The following DIAPH2 variants were observed in gnomAD, a reference collection of about 807,000 sequenced individuals.
DIAPH2 encodes the protein protein diaphanous homolog 2.
In DIAPH2, 35 loss-of-function variants were observed where a neutral mutation model predicts 92.7. The observed-to-expected ratio is 0.38, with a 90% CI of 0.29 to 0.50. The LOEUF is 0.50. DIAPH2 is among the 20% of genes least tolerant of loss of function. The pLI is 0.94. For missense variants in DIAPH2, 701 were observed against 819.5 expected (o/e 0.86, Z 1.77); for synonymous variants, 301 against 280.4 (o/e 1.07, Z -0.73).
At chrX:97,107,245 G>A (rs750110117) in intron 20 of DIAPH2, among the ~76,000 whole-genome samples, 20 of 110,673 alleles carry the variant, frequency 1.8e-4, no homozygotes, top group South Asian at 7.8e-4. Context: ...TGGGATTACA[G>A]GCGTGAGCCA....
intron 19 of DIAPH2, among the ~76,000 whole-genome samples, chrX:97,092,813 G>A (rs1302724784): frequency 9.0e-6 from 1 of 111,366 alleles, no homozygotes; most frequent in Admixed American, 9.6e-5. Flanking sequence ...TCATGGCCGT[G>A]ATAGGATGAT....
At chrX:97,387,383 A>G (rs1438415807) in intron 25 of DIAPH2, among the ~76,000 whole-genome samples, 1 of 112,477 alleles carries the variant, frequency 8.9e-6, no homozygotes. Flanking sequence ...ACACACACAG[A>G]TTTATTTTAT....
intron 25 of DIAPH2, among the ~76,000 whole-genome samples, chrX:97,397,874 A>G (rs1284192191): frequency 8.9e-6 from 1 of 112,282 alleles, no homozygotes; most frequent in Admixed American, 9.4e-5. Context: ...TCTTTTGTCA[A>G]AAACCCTTTG....
intron 1 of DIAPH2, among the ~76,000 whole-genome samples, chrX:96,687,500 C>T (rs1055359525): frequency 7.4e-5 from 8 of 107,682 alleles, no homozygotes; most frequent in East Asian, 2.9e-4. Context: ...AGTCCAGTGG[C>T]GCGATCTTGG....
chrX:97,330,493 T>A (rs2068991588), intron 23 of DIAPH2, among the ~76,000 whole-genome samples: 1 of 110,109 alleles, frequency 9.1e-6, no homozygotes, highest in Non-Finnish European at 1.9e-5. Flanking sequence ...TCGTAACATA[T>A]GACAAGATGT....
chrX:97,395,150 G>A (rs1013510747), intron 25 of DIAPH2, among the ~76,000 whole-genome samples: 1 of 111,769 alleles, frequency 8.9e-6, no homozygotes, highest in African/African-American at 3.2e-5. Context: ...ACATATCAAG[G>A]AAAATTATCA....
At chrX:97,181,138 C>T (rs1244411343) in intron 22 of DIAPH2, among the ~76,000 whole-genome samples, 5 of 107,888 alleles carry the variant, frequency 4.6e-5, no homozygotes, top group African/African-American at 6.8e-5. Flanking sequence ...GGTGTGATCT[C>T]GGCTCACCAC....
intron 24 of DIAPH2, among the ~76,000 whole-genome samples, chrX:97,353,892 G>A (rs1045866433): frequency 9.0e-6 from 1 of 111,070 alleles, no homozygotes; most frequent in Non-Finnish European, 1.9e-5. Context: ...ATAGCTCACT[G>A]TATCCTCAAA....
chrX:97,353,645 A>G (rs2069239148), intron 24 of DIAPH2, among the ~76,000 whole-genome samples: 1 of 111,151 alleles, frequency 9.0e-6, no homozygotes, highest in African/African-American at 3.2e-5. Context: ...CGTTGCTTTT[A>G]ATCATGCCAG....
chrX:97,232,248 T>C (rs1034718521), intron 22 of DIAPH2, among the ~76,000 whole-genome samples: 1 of 111,537 alleles, frequency 9.0e-6, no homozygotes, highest in African/African-American at 3.3e-5. Flanking sequence ...TATTTATTTA[T>C]TGTTAAGACA....
intron 23 of DIAPH2, among the ~76,000 whole-genome samples, chrX:97,334,092 T>G (rs2069026177): frequency 9.0e-6 from 1 of 111,204 alleles, no homozygotes; most frequent in East Asian, 2.8e-4. Flanking sequence ...TCATTCCTTT[T>G]CAGGCTTATC....
chrX:97,225,059 G>C (rs2067954813), intron 22 of DIAPH2, among the ~76,000 whole-genome samples: 1 of 110,518 alleles, frequency 9.0e-6, no homozygotes, highest in Non-Finnish European at 1.9e-5. Context: ...TTATGTGGCA[G>C]TTGTACTTTT....
intron 4 of DIAPH2, among the ~76,000 whole-genome samples, chrX:96,806,646 C>CAAAAAAAAAAAAAAA (rs1234663626): frequency 2.9e-5 from 1 of 34,439 alleles, no homozygotes; most frequent in Non-Finnish European, 4.4e-5. Flanking sequence ...AACTCCATCT[C>CAAAAAAAAAAAAAAA]AAAAAAAAAA....
intron 16 of DIAPH2, among the ~76,000 whole-genome samples, chrX:96,962,336 T>TAC (rs1330300770): frequency 4.0e-4 from 18 of 44,809 alleles, no homozygotes; most frequent in African/African-American, 1.0e-3. Context: ...CATATATATA[T>TAC]ACATATATAT....
chrX:97,081,092 C>A lies in DIAPH2; in HGVS notation c.2247+5831C>A, dbSNP rs748206717. Among the ~76,000 whole-genome samples, 6 of 111,815 alleles carry A rather than the reference C, an allele frequency of 5.4e-5. No individual in the cohort carries two copies. The South Asian group carries it at 2.2e-3, about 42-fold the overall frequency. On this transcript the variant is annotated intron_variant, in intron 19 of 26. Coordinates refer to ENST00000324765, the MANE Select transcript of DIAPH2 (RefSeq NM_006729.5). ...ATTCACCATGTTCATTTTCATAATT[C>A]TTTAGGGAAAATGAAACAGTAGCAA...
intron 22 of DIAPH2, among the ~76,000 whole-genome samples, chrX:97,143,661 GA>G (rs2067223484): frequency 9.1e-6 from 1 of 110,371 alleles, no homozygotes; most frequent in South Asian, 3.9e-4. Context: ...TTTATCCAAA[GA>G]AAAAGAAATC....
At chrX:97,463,514 C>A (rs527433013) in intron 26 of DIAPH2, among the ~76,000 whole-genome samples, 358 of 109,832 alleles carry the variant, frequency 3.3e-3, no homozygotes, top group African/African-American at 0.011. Flanking sequence ...CCTCAGCCCC[C>A]CAAGTAGCTG....
At chrX:97,565,501 A>T (rs1377023925) in intron 26 of DIAPH2, among the ~76,000 whole-genome samples, 1 of 112,369 alleles carries the variant, frequency 8.9e-6, no homozygotes, top group Non-Finnish European at 1.9e-5. Flanking sequence ...AAAAAGTTTT[A>T]TGACCATTTT....
At position 97,011,110 on chromosome X, in the gene DIAPH2, A is replaced by G. The variant is rs746473810; in HGVS notation, c.2050+45903A>G. 8.9e-5 allele frequency among the ~76,000 whole-genome samples: 10 copies of G among 112,490 alleles called. No homozygotes were observed. In the East Asian group the frequency reaches 2.8e-3, roughly 31 times the overall value. ...CTCTTAATTAATTGCTGTAATTCCCATATTTGCCTACGTGTATATGTTCCT... is the reference window on the plus strand; with the variant it reads ...CTCTTAATTAATTGCTGTAATTCCCGTATTTGCCTACGTGTATATGTTCCT... On this transcript the variant is annotated intron_variant, in intron 17 of 26. Coordinates refer to ENST00000324765, the MANE Select transcript of DIAPH2 (RefSeq NM_006729.5).
Sources: gnomAD v4.1 joint callset for allele counts (sites outside exome capture counted in the v4.1 genomes callset) on GRCh38, gnomAD v4.1.1 for gene constraint, MANE v1.5 for transcripts, NCBI Gene and HGNC (gene_info 2026-07-23, HGNC 2026-07-21) for gene names.